FSAF1: variants seen among roughly 807,000 people sequenced by gnomAD.
FSAF1 encodes the protein 40S small subunit processome assembly factor 1.
chr1:231,228,942 T>C, the FSAF1 span, among the ~76,000 whole-genome samples: 1 of 152,246 alleles, frequency 6.6e-6, no homozygotes, highest in Admixed American at 6.5e-5. Flanking sequence ...TGATCTGAGA[T>C]GGTGCCATTG....
the FSAF1 span, chr1:231,240,918 A>G: frequency 2.0e-6 from 2 of 990,814 alleles, no homozygotes; most frequent in Non-Finnish European, 3.2e-6. This position sits in a 1 kb window ranked among gnomAD's most constrained non-coding sequence, Gnocchi z 4.1. Context: ...CTTGACATGC[A>G]AGAACCTTTA....
chr1:231,224,440 C>T, the FSAF1 span: 4 of 1,587,264 alleles, frequency 2.5e-6, no homozygotes, highest in East Asian at 2.2e-5. Context: ...GAGAAAGGTA[C>T]TATAAATAGT....
At chr1:231,239,378 T>C in the FSAF1 span, among the ~76,000 whole-genome samples, 2 of 152,218 alleles carry the variant, frequency 1.3e-5, no homozygotes, top group Non-Finnish European at 2.9e-5. Flanking sequence ...AATGTAGTCA[T>C]CTTTTCCTAG....
At chr1:231,227,126 A>T in the FSAF1 span, 1 of 1,535,614 alleles carries the variant, frequency 6.5e-7, no homozygotes, top group Non-Finnish European at 9.0e-7. Context: ...AAAGAAAAAA[A>T]CATACTGCCA....
chr1:231,225,617 A>G, the FSAF1 span: 1 of 1,063,558 alleles, frequency 9.4e-7, no homozygotes, highest in Non-Finnish European at 1.5e-6. Flanking sequence ...TCATTGAGAT[A>G]CCATTTTTAA....
chr1:231,239,077 C>G, the FSAF1 span: 1 of 1,614,204 alleles, frequency 6.2e-7, no homozygotes, highest in Non-Finnish European at 8.5e-7. Context: ...TATGAGAGAA[C>G]CAGGTAGGGG....
the FSAF1 span, chr1:231,226,316 C>A: frequency 5.1e-6 from 1 of 197,152 alleles, no homozygotes; most frequent in Non-Finnish European, 1.1e-5. Context: ...ATGTCTCGCT[C>A]TTGCCATGTG....
the FSAF1 span, among the ~76,000 whole-genome samples, chr1:231,230,938 A>G: frequency 6.6e-6 from 1 of 152,234 alleles, no homozygotes; most frequent in Non-Finnish European, 1.5e-5. Flanking sequence ...TACCATCAGC[A>G]GCATCATGGG....
At chr1:231,228,191 G>A in the FSAF1 span, among the ~76,000 whole-genome samples, 11 of 152,204 alleles carry the variant, frequency 7.2e-5, no homozygotes, top group South Asian at 4.1e-4. Context: ...TTTTTCTTAC[G>A]TGTTTTTTAA....
the FSAF1 span, chr1:231,225,064 C>T: frequency 5.3e-6 from 1 of 187,466 alleles, no homozygotes; most frequent in African/African-American, 2.3e-5. Flanking sequence ...GGCATTTGAA[C>T]AAAAGCTAAC....
the FSAF1 span, among the ~76,000 whole-genome samples, chr1:231,231,658 A>G: frequency 8.6e-4 from 131 of 152,308 alleles, no homozygotes; most frequent in African/African-American, 3.0e-3. Context: ...CAATTTAAAG[A>G]GGATTTCAGC....
chr1:231,228,681 A>T, the FSAF1 span, among the ~76,000 whole-genome samples: 3 of 151,586 alleles, frequency 2.0e-5, no homozygotes, highest in Admixed American at 1.3e-4. Flanking sequence ...ATTCATTTTT[A>T]GATATTATAA....
chr1:231,230,570 G>A, the FSAF1 span, among the ~76,000 whole-genome samples: 1 of 152,134 alleles, frequency 6.6e-6, no homozygotes, highest in Non-Finnish European at 1.5e-5. Context: ...ACCACCAATG[G>A]TGGTAGTCCA....
the FSAF1 span, among the ~76,000 whole-genome samples, chr1:231,231,051 A>G: frequency 6.6e-6 from 1 of 152,214 alleles, no homozygotes. Context: ...GTCCAGGCGT[A>G]TGGCCTAGCT....
At chr1:231,236,718 T>G in the FSAF1 span, 1 of 152,244 alleles carries the variant, frequency 6.6e-6, no homozygotes, top group South Asian at 2.1e-4. Context: ...ATGCTTTATG[T>G]TAGTTGAAGT....
At chr1:231,226,992 G>A in the FSAF1 span, 6 of 1,614,052 alleles carry the variant, frequency 3.7e-6, no homozygotes, top group East Asian at 1.1e-4. Flanking sequence ...CAGCATAATG[G>A]CACGTTCCTG....
chr1:231,227,708 C>A, the FSAF1 span, among the ~76,000 whole-genome samples: 5,894 of 151,310 alleles, frequency 0.039, 191 homozygotes, highest in Middle Eastern at 0.089. Context: ...CCTGCCTCAG[C>A]CTCCCGAGTA....
At chr1:231,230,505 A>C in the FSAF1 span, among the ~76,000 whole-genome samples, 11 of 152,140 alleles carry the variant, frequency 7.2e-5, no homozygotes, top group Non-Finnish European at 1.3e-4. Context: ...ATATCACCCT[A>C]TCTCCTGCCC....
the FSAF1 span, chr1:231,224,003 G>C: frequency 3.1e-6 from 1 of 320,530 alleles, no homozygotes. Flanking sequence ...AAATACCAGT[G>C]AACATGAAAC....
Sources: gnomAD v4.1 joint callset for allele counts (sites outside exome capture counted in the v4.1 genomes callset) on GRCh38, gnomAD v4.1.1 for gene constraint, Gnocchi (gnomAD v3.1) non-coding constraint, MANE v1.5 for transcripts, NCBI Gene and HGNC (gene_info 2026-07-23, HGNC 2026-07-21) for gene names.